Variants in TCF4 observed in about 807,000 individuals in gnomAD.
TCF4 encodes the protein transcription factor 4.
A neutral mutation model predicts 82.1 loss-of-function variants in TCF4; 3 were observed. That is an observed-to-expected ratio of 0.04 (90% confidence interval 0.02 to 0.09). TCF4 has a LOEUF of 0.09. TCF4 is among the 10% of genes least tolerant of loss of function. The pLI, the probability that TCF4 is intolerant of heterozygous loss-of-function variation, is 1.00. For synonymous variants in TCF4, 276 were observed against 309.6 expected (o/e 0.89, Z 1.14); for missense variants, 518 against 852.7 (o/e 0.61, Z 4.89).
At chr18:55,233,386 G>T (rs964672460) in intron 16 of TCF4, among the ~76,000 whole-genome samples, 1 of 152,084 alleles carries the variant, frequency 6.6e-6, no homozygotes, top group Non-Finnish European at 1.5e-5. Flanking sequence ...CATCATCTGT[G>T]AGCCCATTAG....
At chr18:55,326,056 A>G (rs1170752926) in intron 8 of TCF4, among the ~76,000 whole-genome samples, 1 of 152,194 alleles carries the variant, frequency 6.6e-6, no homozygotes, top group Admixed American at 6.5e-5. Flanking sequence ...CTTTAAAGAC[A>G]AAGAATTAAG....
intron 3 of TCF4, among the ~76,000 whole-genome samples, chr18:55,560,501 G>A (rs554052831): frequency 7.9e-5 from 12 of 152,220 alleles, no homozygotes; most frequent in Non-Finnish European, 4.4e-5. Context: ...AATTCTATCC[G>A]AAGCCACGTG....
intron 3 of TCF4, among the ~76,000 whole-genome samples, chr18:55,533,229 C>T (rs2097084836): frequency 6.6e-6 from 1 of 152,192 alleles, no homozygotes; most frequent in Non-Finnish European, 1.5e-5. Context: ...GAGCGTATGG[C>T]TGCAGGGCAT....
At chr18:55,447,794 C>CACTT (rs2095551856) in intron 5 of TCF4, among the ~76,000 whole-genome samples, 1 of 152,054 alleles carries the variant, frequency 6.6e-6, no homozygotes, top group African/African-American at 2.4e-5. Context: ...TGTAAGGGAG[C>CACTT]ACTTCCTCTA....
chr18:55,483,258 A>C (rs978124606), intron 3 of TCF4, among the ~76,000 whole-genome samples: 1 of 152,234 alleles, frequency 6.6e-6, no homozygotes, highest in African/African-American at 2.4e-5. Flanking sequence ...AATACCTAAC[A>C]TGATGAAAAT....
At chr18:55,499,621 C>A (rs2096674911) in intron 3 of TCF4, among the ~76,000 whole-genome samples, 2 of 152,158 alleles carry the variant, frequency 1.3e-5, no homozygotes, top group African/African-American at 4.8e-5. Context: ...GGTCAAACAT[C>A]AGTATTTATT....
At chr18:55,392,689 T>C (rs1371164091) in intron 6 of TCF4, among the ~76,000 whole-genome samples, 2 of 152,078 alleles carry the variant, frequency 1.3e-5, no homozygotes, top group Non-Finnish European at 2.9e-5. Flanking sequence ...GCACAAAATG[T>C]TGTTTTGTTT....
At chr18:55,254,433 G>GT in intron 15 of TCF4, 64 bp downstream of exon 15, 1 of 1,491,148 alleles carries the variant, frequency 6.7e-7, no homozygotes, top group Non-Finnish European at 9.3e-7. Context: ...AGCAACAATA[G>GT]TATCTATATC....
intron 10 of TCF4, among the ~76,000 whole-genome samples, chr18:55,274,055 G>A (rs1014335033): frequency 7.9e-5 from 12 of 152,194 alleles, no homozygotes; most frequent in African/African-American, 2.6e-4. Flanking sequence ...GCGGTATAGT[G>A]CCTAAAACTT....
upstream of TCF4, among the ~76,000 whole-genome samples, chr18:55,589,080 C>A (rs1224425260): frequency 6.6e-6 from 1 of 151,784 alleles, no homozygotes; most frequent in Admixed American, 6.6e-5. Context: ...GCAACATAAG[C>A]TATTTTAACG....
intron 3 of TCF4, among the ~76,000 whole-genome samples, chr18:55,562,402 T>A (rs1332008015): frequency 6.6e-6 from 1 of 152,238 alleles, no homozygotes; most frequent in African/African-American, 2.4e-5. Flanking sequence ...AGCATGAGGC[T>A]TTTTTAGCTT....
At chr18:55,310,644 G>A in intron 8 of TCF4, among the ~76,000 whole-genome samples, 1 of 152,212 alleles carries the variant, frequency 6.6e-6, no homozygotes, top group East Asian at 1.9e-4. Context: ...AGGTAAAGGA[G>A]TTGCATTATT....
At chr18:55,477,195 AT>A (rs2096309303) in intron 3 of TCF4, among the ~76,000 whole-genome samples, 1 of 152,200 alleles carries the variant, frequency 6.6e-6, no homozygotes, top group Non-Finnish European at 1.5e-5. Flanking sequence ...AAAATGCAAT[AT>A]CTGGGATCAT....
rs573805411 is a variant in TCF4 at position 55,618,701 on chromosome 18, C to T, written c.286+12597G>A. On this transcript the variant is annotated intron_variant, in intron 2 of 20. Transcript: ENST00000398339. ...GGCTGAAGTGATCTTCCCACCTCAGCGTCATAACTAACTGGGACCACAGGC... is the reference window on the plus strand; with the variant it reads ...GGCTGAAGTGATCTTCCCACCTCAGTGTCATAACTAACTGGGACCACAGGC... Among the ~76,000 whole-genome samples the T allele has an allele frequency of 7.6e-4, 116 of 151,960 alleles. No individual in the cohort carries two copies. In the Middle Eastern group the frequency reaches 0.014, roughly 18 times the overall value.
intron 8 of TCF4, among the ~76,000 whole-genome samples, chr18:55,305,918 A>G (rs1056881551): frequency 6.6e-6 from 1 of 152,230 alleles, no homozygotes; most frequent in Non-Finnish European, 1.5e-5. Flanking sequence ...CCAAAGATAC[A>G]GAGGTGAACT....
chr18:55,339,404 A>T (rs2079330802), intron 8 of TCF4, among the ~76,000 whole-genome samples: 1 of 152,202 alleles, frequency 6.6e-6, no homozygotes, highest in African/African-American at 2.4e-5. Flanking sequence ...TGGAAGTTTG[A>T]TGAAAACCAA....
At chr18:55,563,493 T>C (rs1008293561) in intron 3 of TCF4, among the ~76,000 whole-genome samples, 1 of 152,230 alleles carries the variant, frequency 6.6e-6, no homozygotes, top group Non-Finnish European at 1.5e-5. Context: ...ATACATATTA[T>C]GAGTAATACA....
At chr18:55,452,070 T>A (rs1223315032) in intron 5 of TCF4, among the ~76,000 whole-genome samples, 2 of 151,962 alleles carry the variant, frequency 1.3e-5, no homozygotes, top group Non-Finnish European at 2.9e-5. Flanking sequence ...AGAGAAAAAC[T>A]TTTTCTACTA....
intron 3 of TCF4, among the ~76,000 whole-genome samples, chr18:55,467,945 T>G (rs2096067792): frequency 6.6e-6 from 1 of 152,150 alleles, no homozygotes; most frequent in South Asian, 2.1e-4. Flanking sequence ...TTAGAAAACT[T>G]GCCCAAGGGA....
Sources: gnomAD v4.1 joint callset for allele counts (sites outside exome capture counted in the v4.1 genomes callset) on GRCh38, gnomAD v4.1.1 for gene constraint, MANE v1.5 for transcripts, NCBI Gene and HGNC (gene_info 2026-07-23, HGNC 2026-07-21) for gene names.